COTL1: variants seen among roughly 807,000 people sequenced by gnomAD.
COTL1 encodes coactosin-like protein.
COTL1 carries 15 observed loss-of-function variants against 16.5 expected under a neutral mutation model. That is an observed-to-expected ratio of 0.91 (90% CI 0.61 to 1.40). The LOEUF is 1.40. Ranked by LOEUF, COTL1 falls within the 40% of genes most tolerant of loss-of-function variation. COTL1 has a pLI of 0.00. For synonymous variants in COTL1, 112 were observed against 85.3 expected (o/e 1.31, Z -1.73); for missense variants, 220 against 201.5 (o/e 1.09, Z -0.56).
At chr16:84,606,404 C>G (rs1318497576) in intron 2 of COTL1, among the ~76,000 whole-genome samples, 2 of 152,256 alleles carry the variant, frequency 1.3e-5, no homozygotes, top group Admixed American at 1.3e-4. Flanking sequence ...TCAACAACAT[C>G]TGTGCAGGCT....
rs1010393967 is a variant in COTL1 at position 84,610,286 on chromosome 16, G to A, written c.160+7215C>T. On this transcript the variant is annotated intron_variant, in intron 2 of 3. Coordinates refer to ENST00000262428, the MANE Select transcript of COTL1 (RefSeq NM_021149.5). ...CTAAATCCAGAACCCACTCACACTG[G>A]CCTGAGAAAAAATATTACTTGGCTC... is the stretch of plus-strand genomic sequence containing the variant. 5.9e-5 allele frequency among the ~76,000 whole-genome samples: 9 copies of A among 152,106 alleles called. No homozygotes were observed. The East Asian group carries it at 1.7e-3, about 29-fold the overall frequency.
At chr16:84,582,838 C>G (rs1014158468) in intron 3 of COTL1, among the ~76,000 whole-genome samples, 1 of 152,092 alleles carries the variant, frequency 6.6e-6, no homozygotes, top group South Asian at 2.1e-4. Context: ...AGTCCTACAC[C>G]TGTGAGCTGA....
intron 2 of COTL1, chr16:84,595,545 C>T (rs1056330344): frequency 5.9e-5 from 9 of 152,340 alleles, no homozygotes; most frequent in African/African-American, 2.2e-4. Flanking sequence ...TAGTTACTTT[C>T]CCTCTTCTGA....
chr16:84,591,530 T>C (rs1017027272), intron 2 of COTL1, among the ~76,000 whole-genome samples: 1 of 144,002 alleles, frequency 6.9e-6, no homozygotes, highest in Admixed American at 7.1e-5. Context: ...CCAGGTATGG[T>C]GGCTCACCCC....
intron 3 of COTL1, among the ~76,000 whole-genome samples, chr16:84,583,964 G>T (rs1190817702): frequency 2.6e-5 from 4 of 152,192 alleles, no homozygotes; most frequent in Non-Finnish European, 4.4e-5. Context: ...AAAGGATCAG[G>T]TGAATGAACC....
intron 2 of COTL1, among the ~76,000 whole-genome samples, chr16:84,607,241 G>A (rs1022465673): frequency 2.6e-5 from 4 of 152,178 alleles, no homozygotes; most frequent in Non-Finnish European, 5.9e-5. Flanking sequence ...ACCGGGCCTT[G>A]ACGGGTGTGT....
chr16:84,601,315 G>A (rs1034589754), intron 2 of COTL1, among the ~76,000 whole-genome samples: 2 of 152,214 alleles, frequency 1.3e-5, no homozygotes, highest in Non-Finnish European at 2.9e-5. Context: ...AAAATGTAGT[G>A]TGTGAATACC....
rs570044252 is a variant in COTL1, at chr16:84,609,967, T to C, written c.160+7534A>G. ...GCAGCGTGAGAAGAGACTAACACAC[T>C]ATCCCTGAATTCCTACTGCGTGGTC... On this transcript the variant is annotated intron_variant, in intron 2 of 3. Coordinates refer to ENST00000262428, the MANE Select transcript of COTL1 (RefSeq NM_021149.5). 5.9e-5 allele frequency among the ~76,000 whole-genome samples: 9 copies of C among 152,338 alleles called. No individual in the cohort carries two copies. The South Asian group carries it at 1.0e-3, about 18-fold the overall frequency.
rs146841862 is a variant in COTL1, at chr16:84,588,204, G to C, written c.318+1901C>G. The stretch of plus-strand genomic sequence containing the variant: ...GAGGCCAGCCTGGGCAATATAGTGA[G>C]ATCCTGTCTCTCTTAAAAATAATAA... On this transcript the variant is annotated intron_variant, in intron 3 of 3. Coordinates refer to ENST00000262428, the MANE Select transcript of COTL1 (RefSeq NM_021149.5). 7.3e-5 allele frequency among the ~76,000 whole-genome samples: 11 copies of C among 151,528 alleles called. No homozygotes were observed. The East Asian group carries it at 1.4e-3, about 19-fold the overall frequency.
Position 84,566,162 on chromosome 16 carries a change from G to GT in COTL1, c.*682dup, listed in dbSNP as rs1174040315. 2 of 152,748 alleles carry GT rather than the reference G, an allele frequency of 1.3e-5. No individual in the cohort carries two copies. The highest frequency in any genetic ancestry group is 2.9e-5 in the Non-Finnish European group (2 of 68,130). 9.5% of individuals were successfully genotyped at this position (152,748 alleles called of 1,614,324 possible). ...GACCGTGCAGCAAAGCCACTGCCAG[G>GT]TAAGTTTTAAGGCAAATTTTATCTC... On this transcript the variant is annotated 3_prime_UTR_variant, in exon 4 of 4. Transcript: ENST00000262428.
chr16:84,617,621 C>T, intron 1 of COTL1, 38 bp from the exon 2 acceptor site: 1 of 1,529,320 alleles, frequency 6.5e-7, no homozygotes, highest in Non-Finnish European at 8.9e-7. Context: ...ACACACACAT[C>T]AGCGCTGGTG....
rs371812172 is a variant in COTL1, at chr16:84,616,504, AAAATAAATAAAT to A, written c.160+985_160+996del. On this transcript the variant is annotated intron_variant, in intron 2 of 3. Transcript: ENST00000262428. The stretch of plus-strand genomic sequence containing the variant: ...GGCAAAAGAGGAAGATTCTGTCTCA[AAAATAAATAAAT>A]AAATAAATAAATAAATAAGTAACCC... 8 of 150,036 alleles carry A rather than the reference AAAATAAATAAAT, an allele frequency of 5.3e-5. No homozygotes were observed. The East Asian group carries it at 5.9e-4, about 11-fold the overall frequency. 9.3% of individuals were successfully genotyped at this position (150,036 alleles called of 1,614,324 possible).
At chr16:84,617,674 G>T (rs918928999) in intron 1 of COTL1, 91 bp from the exon 2 acceptor site, 9 of 1,424,880 alleles carry the variant, frequency 6.3e-6, no homozygotes, top group South Asian at 1.2e-5. Flanking sequence ...TAACAGACGC[G>T]CTGGCCACGG....
intron 3 of COTL1, chr16:84,568,986 A>T (rs1236772762): frequency 6.6e-6 from 1 of 152,234 alleles, no homozygotes; most frequent in African/African-American, 2.4e-5. Flanking sequence ...TAGGGCTTGC[A>T]CAACACTGTG....
intron 2 of COTL1, among the ~76,000 whole-genome samples, chr16:84,610,967 T>C (rs55820925): frequency 0.32 from 48,690 of 152,144 alleles, 7,950 homozygotes; most frequent in East Asian, 0.47. Flanking sequence ...TAACACCTTC[T>C]GAAGGTGCTA....
At chr16:84,583,749 T>C (rs552157281) in intron 3 of COTL1, among the ~76,000 whole-genome samples, 1 of 152,262 alleles carries the variant, frequency 6.6e-6, no homozygotes, top group East Asian at 1.9e-4. Context: ...TGTGCGCCAC[T>C]AAGCCTGGTT....
chr16:84,606,481 C>T (rs1294740168), intron 2 of COTL1, among the ~76,000 whole-genome samples: 1 of 152,270 alleles, frequency 6.6e-6, no homozygotes, highest in Admixed American at 6.5e-5. Flanking sequence ...CCCCACGGGG[C>T]TTGGATGCTC....
chr16:84,591,877 T>TAAAATAAAATAAAATAAAAA (rs1399606488), intron 2 of COTL1, among the ~76,000 whole-genome samples: 4 of 96,632 alleles, frequency 4.1e-5, no homozygotes. Flanking sequence ...TAAAATAAAA[T>TAAAATAAAATAAAATAAAAA]AAAAATATGT....
chr16:84,616,447 T>C (rs1359146295), intron 2 of COTL1: 1 of 151,976 alleles, frequency 6.6e-6, no homozygotes, highest in Non-Finnish European at 1.5e-5. Flanking sequence ...AGGTTGCAGT[T>C]AGCTGAGATT....
Sources: allele counts gnomAD v4.1 joint callset (sites outside exome capture counted in the v4.1 genomes callset), GRCh38; gene constraint gnomAD v4.1.1; transcripts MANE v1.5; gene names NCBI Gene and HGNC (gene_info 2026-07-23, HGNC 2026-07-21).